The following RAVER2 variants were observed in gnomAD, a reference collection of about 807,000 sequenced individuals.
RAVER2 encodes ribonucleoprotein PTB-binding 2.
In RAVER2, 46 loss-of-function variants were observed where a neutral mutation model predicts 78.1. The ratio of observed to expected loss-of-function variants is 0.59; its 90% CI spans 0.46 to 0.75. The LOEUF (loss-of-function observed/expected upper bound fraction) is 0.75, where lower values mean the gene tolerates loss of function less well. RAVER2 is among the 30% of genes least tolerant of loss of function. RAVER2 has a pLI of 0.00. For missense variants in RAVER2, 793 were observed against 837.5 expected, an observed-to-expected ratio of 0.95 and a Z score of 0.66; for synonymous variants, 311 against 313.3, an observed-to-expected ratio of 0.99 and a Z score of 0.08.
intron 1 of RAVER2, among the ~76,000 whole-genome samples, chr1:64,756,214 A>T (rs181150379): frequency 5.9e-5 from 9 of 152,272 alleles, no homozygotes; most frequent in Non-Finnish European, 1.2e-4. Context: ...CCTATTGTTG[A>T]TAAAGTTCAC....
exon 5 of RAVER2, chr1:64,789,418 G>C: frequency 2.5e-6 from 4 of 1,609,128 alleles, no homozygotes; most frequent in Non-Finnish European, 3.4e-6. Flanking sequence ...CTTACTTCCA[G>C]AGCCAAATCC....
Position 64,745,102 on chromosome 1 carries a change from C to T in RAVER2, c.-71C>T. On this transcript the variant is annotated 5_prime_UTR_variant, in exon 1 of 12. Transcript: ENST00000294428. This position sits in a 1 kb window ranked among gnomAD's most constrained non-coding sequence, Gnocchi z 4.3. ...CTGCCCGCCTCGCCCTCGCCCGGGC[C>T]TCCTCCCGCTTTCTCTCTCCGCTTC... is the stretch of plus-strand genomic sequence containing the variant. 2 of 1,010,492 alleles carry T rather than the reference C, an allele frequency of 2.0e-6. No individual in the cohort carries two copies. The highest frequency in any genetic ancestry group is 2.4e-6 in the Non-Finnish European group (2 of 847,158). 62.6% of individuals were successfully genotyped at this position (1,010,492 alleles called of 1,614,324 possible).
chr1:64,817,567 G>A (rs551114228), intron 11 of RAVER2, among the ~76,000 whole-genome samples: 1 of 152,202 alleles, frequency 6.6e-6, no homozygotes, highest in Admixed American at 6.5e-5. Context: ...GGAATACTAT[G>A]CAGCCATAAA....
chr1:64,831,249 C>G (rs189504167), exon 12 of RAVER2: 149 of 275,242 alleles, frequency 5.4e-4, no homozygotes, highest in Admixed American at 7.7e-4. Context: ...AACAATGTTC[C>G]AATATTCCTT....
chr1:64,771,246 G>C (rs780241866), intron 2 of RAVER2, among the ~76,000 whole-genome samples: 1 of 151,986 alleles, frequency 6.6e-6, no homozygotes, highest in Non-Finnish European at 1.5e-5. Flanking sequence ...TGAAAAGACT[G>C]TAGGGTAACA....
intron 6 of RAVER2, among the ~76,000 whole-genome samples, chr1:64,804,471 T>C (rs1653356227): frequency 6.6e-6 from 1 of 152,140 alleles, no homozygotes; most frequent in Admixed American, 6.5e-5. Context: ...ATGAATAGAA[T>C]GTCACTGTCA....
chr1:64,810,376 G>A (rs1653571181), intron 9 of RAVER2, among the ~76,000 whole-genome samples: 1 of 152,208 alleles, frequency 6.6e-6, no homozygotes, highest in African/African-American at 2.4e-5. Context: ...TGTGTGATGA[G>A]GATACTGTTC....
At chr1:64,757,509 C>T (rs1488888370) in intron 1 of RAVER2, among the ~76,000 whole-genome samples, 2 of 152,182 alleles carry the variant, frequency 1.3e-5, no homozygotes, top group Non-Finnish European at 2.9e-5. Flanking sequence ...GCCTGCAAGC[C>T]AGCCAGAAAT....
At chr1:64,758,657 T>G (rs1353062019) in intron 1 of RAVER2, among the ~76,000 whole-genome samples, 2 of 152,112 alleles carry the variant, frequency 1.3e-5, no homozygotes, top group Non-Finnish European at 2.9e-5. Context: ...GCTAACTACC[T>G]TAGTGAGTGG....
chr1:64,774,212 T>A (rs1652399856), intron 2 of RAVER2, among the ~76,000 whole-genome samples: 1 of 152,210 alleles, frequency 6.6e-6, no homozygotes, highest in South Asian at 2.1e-4. Flanking sequence ...TTGGCTTTTG[T>A]TGCCATTGCT....
At position 64,792,599 on chromosome 1, in the gene RAVER2, T is replaced by C. The variant is rs1224736583; in HGVS notation, c.1105+3085T>C. ...CATATGGCAGTAGACTTCTTTATAC[T>C]TAGTGCTTTCTCAATTTTAAGATGT... On this transcript the variant is annotated intron_variant, in intron 5 of 11. Transcript: ENST00000294428. 2.6e-5 allele frequency among the ~76,000 whole-genome samples: 4 copies of C among 152,228 alleles called. No individual in the cohort carries two copies. The East Asian group carries it at 7.7e-4, about 29-fold the overall frequency.
At chr1:64,818,390 G>T (rs1653803994) in intron 11 of RAVER2, among the ~76,000 whole-genome samples, 1 of 152,096 alleles carries the variant, frequency 6.6e-6, no homozygotes. Context: ...CAAAAAATTA[G>T]CCGGGCGTGG....
intron 10 of RAVER2, among the ~76,000 whole-genome samples, chr1:64,813,828 G>GACACACACACACAC (rs10566575): frequency 2.7e-5 from 4 of 145,898 alleles, no homozygotes; most frequent in Non-Finnish European, 6.1e-5. Flanking sequence ...TTAGAGACTA[G>GACACACACACACAC]ACACACACAC....
exon 10 of RAVER2, chr1:64,812,808 A>G (rs1275760730): frequency 1.2e-6 from 2 of 1,612,070 alleles, no homozygotes; most frequent in South Asian, 1.1e-5. Flanking sequence ...AAAAATCCAT[A>G]CTTGAATTTG....
rs1356748174 is a variant in RAVER2 at position 64,768,680 on chromosome 1, T to C, written c.274T>C (p.Tyr92His). The change falls in exon 2 of 12, where the codon TAT (tyrosine) becomes CAT (histidine). Residue 92 changes from tyrosine (Y) to histidine (H), a missense_variant. Physicochemically the swap from Tyr to His is moderately conservative, Grantham distance 83. Coordinates refer to ENST00000294428, the Ensembl canonical transcript of RAVER2. ...GGAAGTTCATGATTTGTTAAAAGAC[T>C]ATGACTTAAAATATTGTTATGTGGA... 3 of 1,562,458 alleles carry C rather than the reference T, an allele frequency of 1.9e-6. No individual in the cohort carries two copies. Among genetic ancestry groups the C allele is most frequent in the African/African-American group, 2.7e-5 (2 of 73,526 alleles).
intron 1 of RAVER2, among the ~76,000 whole-genome samples, chr1:64,751,806 C>A (rs1463419761): frequency 6.6e-6 from 1 of 151,786 alleles, no homozygotes; most frequent in Non-Finnish European, 1.5e-5. Flanking sequence ...AAGCTTTATG[C>A]TTAACTTTCC....
intron 11 of RAVER2, among the ~76,000 whole-genome samples, chr1:64,824,994 G>A (rs1333079426): frequency 4.2e-5 from 6 of 144,510 alleles, no homozygotes; most frequent in African/African-American, 8.0e-5. Context: ...GGGATGAATC[G>A]TTAAATCCAA....
At chr1:64,762,418 A>G (rs1370676151) in intron 1 of RAVER2, among the ~76,000 whole-genome samples, 1 of 151,958 alleles carries the variant, frequency 6.6e-6, no homozygotes, top group Non-Finnish European at 1.5e-5. Flanking sequence ...AACTGATTCT[A>G]AAATTTGTAC....
intron 2 of RAVER2, among the ~76,000 whole-genome samples, chr1:64,774,127 G>A (rs149126040): frequency 1.2e-4 from 19 of 152,256 alleles, no homozygotes; most frequent in African/African-American, 4.3e-4. Context: ...CGTTCTGTAC[G>A]TTGCCTATTC....
Sources: allele counts gnomAD v4.1 joint callset (sites outside exome capture counted in the v4.1 genomes callset), GRCh38; gene constraint gnomAD v4.1.1; non-coding constraint Gnocchi (gnomAD v3.1); transcripts MANE v1.5; gene names NCBI Gene and HGNC (gene_info 2026-07-23, HGNC 2026-07-21).